WAC: variants seen among roughly 807,000 people sequenced by gnomAD.
WAC encodes WW domain containing adaptor with coiled-coil, also known as WW domain-containing adapter protein with coiled-coil.
WAC carries 11 observed loss-of-function variants against 79.6 expected under a neutral mutation model. The ratio of observed to expected loss-of-function variants is 0.14; its 90% CI spans 0.09 to 0.23. The LOEUF (loss-of-function observed/expected upper bound fraction) is 0.23. WAC is among the 10% of genes least tolerant of loss of function. WAC has a pLI of 1.00. For missense variants in WAC, 728 were observed against 773.5 expected, an observed-to-expected ratio of 0.94 and a Z score of 0.70; for synonymous variants, 304 against 276.9, an observed-to-expected ratio of 1.10 and a Z score of -0.97.
intron 3 of WAC, among the ~76,000 whole-genome samples, chr10:28,547,915 CT>C (rs11408560): frequency 0.016 from 2,065 of 132,256 alleles, 28 homozygotes; most frequent in African/African-American, 0.046. Flanking sequence ...TTCTCTTTTT[CT>C]TTTTTTTTTT....
At chr10:28,600,630 A>G (rs1259248405) in intron 7 of WAC, among the ~76,000 whole-genome samples, 1 of 152,160 alleles carries the variant, frequency 6.6e-6, no homozygotes, top group African/African-American at 2.4e-5. Context: ...CTGATAAAAA[A>G]TATTAGGAAA....
intron 8 of WAC, among the ~76,000 whole-genome samples, chr10:28,609,811 C>T (rs1450375899): frequency 6.6e-6 from 1 of 151,820 alleles, no homozygotes; most frequent in Non-Finnish European, 1.5e-5. Flanking sequence ...AAGGTGAAGG[C>T]TATGGTAAGC....
intron 1 of WAC, 25 bp downstream of exon 1, chr10:28,533,645 C>G: frequency 1.3e-6 from 2 of 1,501,124 alleles, no homozygotes; most frequent in African/African-American, 1.4e-5. Flanking sequence ...CGTTTCGGGC[C>G]GGGCGGCGGC....
At chr10:28,570,719 G>T (rs1365895173) in intron 3 of WAC, among the ~76,000 whole-genome samples, 1 of 152,090 alleles carries the variant, frequency 6.6e-6, no homozygotes, top group Non-Finnish European at 1.5e-5. Context: ...TATATAAAAG[G>T]ATAATTGTGT....
chr10:28,577,372 A>G (rs1205935964), intron 3 of WAC, among the ~76,000 whole-genome samples: 1 of 151,944 alleles, frequency 6.6e-6, no homozygotes, highest in Non-Finnish European at 1.5e-5. Context: ...TTCCATGCTG[A>G]GCTGCTTGTC....
At chr10:28,600,832 A>G (rs923071839) in intron 7 of WAC, among the ~76,000 whole-genome samples, 2 of 152,294 alleles carry the variant, frequency 1.3e-5, no homozygotes, top group South Asian at 4.1e-4. Flanking sequence ...CATTAAAGAT[A>G]CATAAAAAGA....
chr10:28,608,962 A>G (rs1719207261), intron 8 of WAC, among the ~76,000 whole-genome samples: 1 of 152,220 alleles, frequency 6.6e-6, no homozygotes, highest in Non-Finnish European at 1.5e-5. Flanking sequence ...ATTTAATTCC[A>G]GCCTTGCTTT....
chr10:28,599,513 T>C (rs1274242324), intron 7 of WAC, among the ~76,000 whole-genome samples: 1 of 152,220 alleles, frequency 6.6e-6, no homozygotes, highest in Non-Finnish European at 1.5e-5. Context: ...TGTTAAAATA[T>C]TTGTTGTAGA....
intron 7 of WAC, among the ~76,000 whole-genome samples, chr10:28,599,461 A>C (rs567688482): frequency 1.2e-4 from 18 of 152,302 alleles, no homozygotes; most frequent in African/African-American, 3.6e-4. Context: ...TGCCTATACT[A>C]CATGTGTGTA....
chr10:28,606,055 GTTTT>G (rs35927464), intron 7 of WAC, among the ~76,000 whole-genome samples: 23 of 145,648 alleles, frequency 1.6e-4, no homozygotes. Flanking sequence ...CAGTTTTTTG[GTTTT>G]TTTTTTTTTT....
chr10:28,574,152 TTTTTG>T (rs571119172), intron 3 of WAC, among the ~76,000 whole-genome samples: 47 of 152,250 alleles, frequency 3.1e-4, no homozygotes, highest in South Asian at 4.1e-4. Flanking sequence ...ATTATGTGTT[TTTTTG>T]TTTTGTTTTG....
chr10:28,535,679 G>C lies in WAC; in HGVS notation c.196G>C (p.Glu66Gln), dbSNP rs977706188. The C allele has an allele frequency of 2.5e-6, 4 of 1,613,934 alleles. No individual in the cohort carries two copies. Among genetic ancestry groups the C allele is most frequent in the Admixed American group, 1.7e-5 (1 of 59,996 alleles). The change falls in exon 3 of 14, where the codon GAA becomes CAA. Residue 66 changes from glutamate (E) to glutamine (Q), a missense_variant. Physicochemically the swap from Glu to Gln is conservative, Grantham distance 29. Coordinates refer to ENST00000354911, the MANE Select transcript of WAC (RefSeq NM_016628.5). ...NKMLRRSDSP[E>Q]NKYSDSTGHS... ...AATGTTGCGGAGATCTGATAGTCCT[G>C]AAAACAAATACAGTGACAGCACAGG...
chr10:28,558,253 T>G (rs1838107807), intron 3 of WAC, among the ~76,000 whole-genome samples: 1 of 152,158 alleles, frequency 6.6e-6, no homozygotes, highest in Non-Finnish European at 1.5e-5. Flanking sequence ...TGTTCTCTAG[T>G]GTTTAAAATT....
intron 3 of WAC, among the ~76,000 whole-genome samples, chr10:28,568,254 T>A (rs1302984914): frequency 6.6e-6 from 1 of 152,260 alleles, no homozygotes; most frequent in Non-Finnish European, 1.5e-5. Flanking sequence ...GCTGTCGGAT[T>A]CATCTGAGTT....
intron 1 of WAC, 74 bp from the exon 2 acceptor site, chr10:28,533,924 G>T (rs182451824): frequency 1.3e-6 from 2 of 1,559,938 alleles, no homozygotes; most frequent in Non-Finnish European, 1.8e-6. Flanking sequence ...GGCGGCGGGG[G>T]CCCCGTTTTC....
intron 8 of WAC, among the ~76,000 whole-genome samples, chr10:28,610,430 G>A (rs1462913120): frequency 2.0e-5 from 3 of 152,116 alleles, no homozygotes; most frequent in East Asian, 3.9e-4. Flanking sequence ...ATTTTGTAGA[G>A]AGACTTTGTT....
At chr10:28,541,767 C>G (rs1837065277) in intron 3 of WAC, among the ~76,000 whole-genome samples, 1 of 152,070 alleles carries the variant, frequency 6.6e-6, no homozygotes, top group Non-Finnish European at 1.5e-5. Context: ...AATTTTATCT[C>G]TGCCTTCAAA....
chr10:28,595,653 A>T, intron 6 of WAC, 80 bp from the exon 7 acceptor site: 1 of 1,371,818 alleles, frequency 7.3e-7, no homozygotes, highest in Non-Finnish European at 1.0e-6. Flanking sequence ...AGCTGATGTT[A>T]AAGGTAGGAT....
intron 1 of WAC, 183 bp from the exon 2 acceptor site, chr10:28,533,815 G>A: frequency 1.0e-6 from 1 of 1,004,054 alleles, no homozygotes; most frequent in Non-Finnish European, 1.4e-6. Flanking sequence ...CCGGCTTCGC[G>A]GCATTTCGCC....
Sources: gnomAD v4.1 joint callset for allele counts (sites outside exome capture counted in the v4.1 genomes callset) on GRCh38, gnomAD v4.1.1 for gene constraint, MANE v1.5 for transcripts, NCBI Gene and HGNC (gene_info 2026-07-23, HGNC 2026-07-21) for gene names.